The following RAP1GAP2 variants were observed in gnomAD, a reference collection of about 807,000 sequenced individuals.
RAP1GAP2 encodes the protein RAP1 GTPase activating protein 2.
RAP1GAP2 carries 27 observed loss-of-function variants against 95.0 expected under a neutral mutation model. The observed-to-expected ratio is 0.28, with a 90% CI of 0.21 to 0.39. The LOEUF (loss-of-function observed/expected upper bound fraction) is 0.39. Ranked by LOEUF, RAP1GAP2 falls within the 10% of genes least tolerant of loss-of-function variation. The probability of loss-of-function intolerance (pLI) is 1.00; values close to 1 mark genes in which losing one functional copy is unlikely to be tolerated. For synonymous variants in RAP1GAP2, 373 were observed against 380.9 expected (o/e 0.98, Z 0.24); for missense variants, 771 against 970.0 (o/e 0.79, Z 2.72).
At chr17:2,772,099 C>T (rs2068410157), upstream of RAP1GAP2, among the ~76,000 whole-genome samples, 1 of 152,042 alleles carries the variant, frequency 6.6e-6, no homozygotes, top group South Asian at 2.1e-4. Flanking sequence ...AAGCGATTCT[C>T]CTCCCTCAGC....
rs965619804 is a variant in RAP1GAP2 at position 2,954,731 on chromosome 17, T to C, written c.166-3028T>C. 3.9e-5 allele frequency among the ~76,000 whole-genome samples: 6 copies of C among 152,078 alleles called. 1 individual carries two copies. The highest frequency in any genetic ancestry group is 1.4e-4 in the African/African-American group (6 of 41,396). ...GCCTCAGCCTCCCAAGTAGCTCAGA[T>C]TACAGGTACCCGCCGCCAAGCCCAG... is the stretch of plus-strand genomic sequence containing the variant. On this transcript the variant is annotated intron_variant, in intron 3 of 24. Coordinates refer to ENST00000254695, the MANE Select transcript of RAP1GAP2 (RefSeq NM_015085.5).
chr17:3,005,231 T>A lies in RAP1GAP2; in HGVS notation c.1201-138T>A. 1 of 880,920 alleles carries A rather than the reference T, an allele frequency of 1.1e-6. No homozygotes were observed. Among genetic ancestry groups the A allele is most frequent in the South Asian group, 1.4e-5 (1 of 73,508 alleles). The allele number at this position is 880,920 out of a possible 1,614,324, so 54.6% of individuals were successfully genotyped here. On this transcript the variant is annotated intron_variant, in intron 14 of 24. Coordinates refer to ENST00000254695, the MANE Select transcript of RAP1GAP2 (RefSeq NM_015085.5). This position sits in a 1 kb window ranked among gnomAD's most constrained non-coding sequence, Gnocchi z 5.2. ...ACAGGGTCAGGGCCTGTGCTGGCGA[T>A]GCTCACAGGAGTATTTTGTTTGTGT...
chr17:2,880,303 T>G (rs2073238467), intron 2 of RAP1GAP2, among the ~76,000 whole-genome samples: 1 of 119,036 alleles, frequency 8.4e-6, no homozygotes, highest in Non-Finnish European at 1.7e-5. Flanking sequence ...TTGGGGCAGG[T>G]GTGGAGAGGA....
intron 3 of RAP1GAP2, among the ~76,000 whole-genome samples, chr17:2,913,638 C>G (rs975971205): frequency 6.6e-6 from 1 of 152,164 alleles, no homozygotes. Flanking sequence ...GAAGATTACT[C>G]TAGGTGTAAC....
At chr17:2,885,095 A>G (rs996058978) in intron 2 of RAP1GAP2, among the ~76,000 whole-genome samples, 1 of 134,626 alleles carries the variant, frequency 7.4e-6, no homozygotes, top group Non-Finnish European at 1.5e-5. Flanking sequence ...GTACAGTGGC[A>G]CGATCTCGGC....
intron 2 of RAP1GAP2, among the ~76,000 whole-genome samples, chr17:2,887,261 T>A (rs2151685301): frequency 6.6e-6 from 1 of 152,124 alleles, no homozygotes; most frequent in South Asian, 2.1e-4. Context: ...TTTCCCCATA[T>A]TGCCCAGGCT....
At chr17:2,897,474 G>T (rs866995836) in intron 2 of RAP1GAP2, among the ~76,000 whole-genome samples, 1 of 151,726 alleles carries the variant, frequency 6.6e-6, no homozygotes, top group Admixed American at 6.6e-5. Flanking sequence ...GCAGTGGCAC[G>T]ATCTTGGCTC....
In RAP1GAP2 at chr17:3,004,615, G is replaced by C. The variant is rs1597850992; in HGVS notation, c.1201-754G>C. On this transcript the variant is annotated intron_variant, in intron 14 of 24. Transcript: ENST00000254695. The surrounding 1 kb of genome is among the most constrained non-coding windows in gnomAD (Gnocchi z 4.1). ...CCCCCATGCAGCGAACCTCGAGGCC[G>C]TCACTCTAAAGCTCAGTCTCACTCA... is the stretch of plus-strand genomic sequence containing the variant. Among the ~76,000 whole-genome samples, 1 of 152,252 alleles carries C rather than the reference G, an allele frequency of 6.6e-6. No individual in the cohort carries two copies. Among genetic ancestry groups the C allele is most frequent in the African/African-American group, 2.4e-5 (1 of 41,472 alleles).
In RAP1GAP2 at chr17:2,953,355, G is replaced by A. The variant is rs541630118; in HGVS notation, c.166-4404G>A. 6.8e-4 allele frequency among the ~76,000 whole-genome samples: 104 copies of A among 151,962 alleles called. No individual in the cohort carries two copies. The Middle Eastern group carries it at 0.014, about 20-fold the overall frequency. On this transcript the variant is annotated intron_variant, in intron 3 of 24. Transcript: ENST00000254695. ...GCTAGGATTACAGGTGTGAACCACC[G>A]TGTCTGGCTGTTTTTATAAAATTGA...
At chr17:2,895,286 C>T (rs775513274) in intron 2 of RAP1GAP2, among the ~76,000 whole-genome samples, 7 of 152,136 alleles carry the variant, frequency 4.6e-5, no homozygotes, top group Non-Finnish European at 7.4e-5. Flanking sequence ...TCTGGGAAGC[C>T]GTGGGCCATG....
chr17:2,801,597 A>ATGTGAGTGTG (rs2069298132), intron 2 of RAP1GAP2, among the ~76,000 whole-genome samples: 1 of 121,878 alleles, frequency 8.2e-6, no homozygotes, highest in Non-Finnish European at 1.7e-5. Context: ...ACTCCAGGGT[A>ATGTGAGTGTG]TGTGTGTGTG....
At chr17:2,891,999 T>C (rs1157150660) in intron 2 of RAP1GAP2, among the ~76,000 whole-genome samples, 1 of 151,848 alleles carries the variant, frequency 6.6e-6, no homozygotes, top group Non-Finnish European at 1.5e-5. Flanking sequence ...AATTTTTGTA[T>C]TTTTAGTAGA....
intron 3 of RAP1GAP2, among the ~76,000 whole-genome samples, chr17:2,948,897 G>A (rs1267975465): frequency 6.6e-6 from 1 of 152,182 alleles, no homozygotes; most frequent in Non-Finnish European, 1.5e-5. Context: ...TGCCGCCTGG[G>A]CAGTGGGCTG....
At chr17:2,884,415 C>G (rs2073412726) in intron 2 of RAP1GAP2, among the ~76,000 whole-genome samples, 1 of 146,598 alleles carries the variant, frequency 6.8e-6, no homozygotes, top group South Asian at 2.2e-4. Context: ...CTCTGTTGCC[C>G]AGGCTGGAGT....
intron 22 of RAP1GAP2, among the ~76,000 whole-genome samples, chr17:3,028,673 GC>G (rs550509249): frequency 6.6e-6 from 1 of 152,196 alleles, no homozygotes; most frequent in Non-Finnish European, 1.5e-5. Flanking sequence ...GAGTTCACGT[GC>G]CTCCTCTCAT....
At chr17:2,762,479 C>A (rs2071274239) in intron 1 of RAP1GAP2, among the ~76,000 whole-genome samples, 1 of 149,830 alleles carries the variant, frequency 6.7e-6, no homozygotes, top group Non-Finnish European at 1.5e-5. Flanking sequence ...CTCACTGCAA[C>A]CTCCACCTCC....
At chr17:3,026,535 C>G in intron 21 of RAP1GAP2, 71 bp downstream of exon 21, 4 of 1,222,568 alleles carry the variant, frequency 3.3e-6, no homozygotes, top group Non-Finnish European at 4.6e-6. Flanking sequence ...TGCATTAAAA[C>G]GGCACTGTGG....
intron 8 of RAP1GAP2, among the ~76,000 whole-genome samples, chr17:2,975,262 A>G (rs1033832768): frequency 1.3e-5 from 2 of 152,156 alleles, no homozygotes; most frequent in Non-Finnish European, 2.9e-5. Flanking sequence ...AAAAAGTTTC[A>G]AATATGATAG....
intron 3 of RAP1GAP2, among the ~76,000 whole-genome samples, chr17:2,930,615 C>G (rs1452009576): frequency 6.6e-6 from 1 of 152,216 alleles, no homozygotes; most frequent in Non-Finnish European, 1.5e-5. Flanking sequence ...CCGCTTCAAA[C>G]ACACGCACAG....
Sources: allele counts gnomAD v4.1 joint callset (sites outside exome capture counted in the v4.1 genomes callset), GRCh38; gene constraint gnomAD v4.1.1; non-coding constraint Gnocchi (gnomAD v3.1); transcripts MANE v1.5; gene names NCBI Gene and HGNC (gene_info 2026-07-23, HGNC 2026-07-21).